Variants in PLCL1 observed in about 807,000 individuals in gnomAD.
PLCL1 encodes the protein inactive phospholipase C-like protein 1.
Under a neutral mutation model 84.4 loss-of-function variants are expected in PLCL1, and 41 were observed. The ratio of observed to expected loss-of-function variants is 0.49; its 90% CI spans 0.38 to 0.63. PLCL1 has a LOEUF of 0.63. Ranked by LOEUF, PLCL1 falls within the 30% of genes least tolerant of loss-of-function variation. PLCL1 has a pLI of 0.00. For missense variants in PLCL1, 1,206 were observed against 1,367.8 expected (o/e 0.88, Z 1.87); for synonymous variants, 490 against 488.3 (o/e 1.00, Z -0.05).
At chr2:197,835,445 G>T (rs150510111) in intron 1 of PLCL1, among the ~76,000 whole-genome samples, 345 of 152,194 alleles carry the variant, frequency 2.3e-3, no homozygotes, top group African/African-American at 7.9e-3. Context: ...AACTGACCCT[G>T]CCAATTACTC....
chr2:197,808,964 T>C (rs778315188), intron 1 of PLCL1, among the ~76,000 whole-genome samples: 1 of 152,182 alleles, frequency 6.6e-6, no homozygotes, highest in Non-Finnish European at 1.5e-5. Context: ...GAATGAGGTG[T>C]TGAGACCAGC....
chr2:198,108,004 C>A (rs775088329), intron 5 of PLCL1, among the ~76,000 whole-genome samples: 3 of 151,848 alleles, frequency 2.0e-5, no homozygotes, highest in African/African-American at 7.2e-5. Flanking sequence ...AGAGCCTGGG[C>A]TCTGTTGGAG....
intron 1 of PLCL1, among the ~76,000 whole-genome samples, chr2:198,051,422 A>G (rs746011861): frequency 2.6e-5 from 4 of 152,212 alleles, no homozygotes; most frequent in African/African-American, 4.8e-5. Context: ...TCTATGATTT[A>G]TAGATGTCAC....
chr2:198,030,348 G>C (rs980255834), intron 1 of PLCL1, among the ~76,000 whole-genome samples: 2 of 152,030 alleles, frequency 1.3e-5, no homozygotes. Flanking sequence ...TTGAGCAGGG[G>C]GTGGGTAACA....
intron 1 of PLCL1, among the ~76,000 whole-genome samples, chr2:197,958,310 T>C (rs1316649614): frequency 1.3e-5 from 2 of 151,926 alleles, no homozygotes; most frequent in Admixed American, 6.6e-5. Context: ...AGAAGAAGAA[T>C]TGTCTTGGAC....
chr2:197,962,269 T>G (rs530211419), intron 1 of PLCL1, among the ~76,000 whole-genome samples: 1 of 152,142 alleles, frequency 6.6e-6, no homozygotes, highest in East Asian at 1.9e-4. Context: ...CACTTGCAGT[T>G]TGGGACATTT....
Position 198,085,084 on chromosome 2 carries a change from T to G in PLCL1, c.1567T>G (p.Ser523Ala). 6.2e-7 allele frequency: 1 copy of G among 1,614,070 alleles called. No individual in the cohort carries two copies. The highest frequency in any genetic ancestry group is 8.5e-7 in the Non-Finnish European group (1 of 1,179,970). Residue 523 changes from serine (S) to alanine (A), a missense_variant, in exon 2 of 6, where the codon TCA becomes GCA. By Grantham distance (99) the Ser-to-Ala change is moderately conservative. Transcript: ENST00000428675. This position sits in a 1 kb window ranked among gnomAD's most constrained non-coding sequence, Gnocchi z 5.3. ...ACTCTATACTGAAGCACCTTTGCCC[T>G]CAGAATCCTACCTCCCATCACCAGA... ...NKLYTEAPLPSESYLPSPEKL... is the reference protein window; with the variant it reads ...NKLYTEAPLPAESYLPSPEKL...
chr2:198,030,751 C>T (rs1165402910), intron 1 of PLCL1, among the ~76,000 whole-genome samples: 1 of 152,116 alleles, frequency 6.6e-6, no homozygotes, highest in Admixed American at 6.6e-5. Flanking sequence ...GGAGCAATCT[C>T]ACCAAGTTTA....
At chr2:198,064,219 A>G (rs1436782957) in intron 1 of PLCL1, among the ~76,000 whole-genome samples, 1 of 152,078 alleles carries the variant, frequency 6.6e-6, no homozygotes, top group Middle Eastern at 3.2e-3. Flanking sequence ...ACTAAAACAT[A>G]AGTCCCTAGT....
intron 1 of PLCL1, among the ~76,000 whole-genome samples, chr2:197,928,583 G>C (rs1337976723): frequency 6.6e-6 from 1 of 152,056 alleles, no homozygotes; most frequent in African/African-American, 2.4e-5. Context: ...GCACTGTTAG[G>C]GGACTCTCTT....
At chr2:198,019,229 G>T (rs970172797) in intron 1 of PLCL1, among the ~76,000 whole-genome samples, 1 of 152,140 alleles carries the variant, frequency 6.6e-6, no homozygotes, top group Non-Finnish European at 1.5e-5. Flanking sequence ...TCATCCTAAG[G>T]TCACCAACAG....
At chr2:198,144,945 C>T (rs919240052) in intron 5 of PLCL1, among the ~76,000 whole-genome samples, 1 of 152,148 alleles carries the variant, frequency 6.6e-6, no homozygotes, top group African/African-American at 2.4e-5. Context: ...CCAGCTCTAC[C>T]ACTTAGCAGC....
intron 1 of PLCL1, among the ~76,000 whole-genome samples, chr2:197,812,633 G>C (rs1440639215): frequency 6.6e-6 from 1 of 152,152 alleles, no homozygotes; most frequent in Non-Finnish European, 1.5e-5. Context: ...ACTAAACACA[G>C]ACTAAGCCCA....
In PLCL1 at chr2:197,911,641, C is replaced by T. The variant is rs181154401; in HGVS notation, c.240+106302C>T. The stretch of plus-strand genomic sequence containing the variant: ...TGCTAATACTGTTAATTATTCCCCT[C>T]TTTTCCTTCTCTTGTTTCTTTAGCT... On this transcript the variant is annotated intron_variant, in intron 1 of 5. Transcript: ENST00000428675. Among the ~76,000 whole-genome samples, 628 of 152,322 alleles carry T rather than the reference C, an allele frequency of 4.1e-3. 3 individuals are homozygous for T. The highest frequency in any genetic ancestry group is 0.015 in the African/African-American group (604 of 41,572).
chr2:197,994,688 A>G (rs1009517796), intron 1 of PLCL1, among the ~76,000 whole-genome samples: 7 of 152,232 alleles, frequency 4.6e-5, no homozygotes, highest in Admixed American at 3.9e-4. Flanking sequence ...TAAAGTTCAC[A>G]CTAGAAACAT....
At chr2:198,116,183 A>G (rs1035283787) in intron 5 of PLCL1, among the ~76,000 whole-genome samples, 3 of 151,630 alleles carry the variant, frequency 2.0e-5, no homozygotes, top group African/African-American at 7.3e-5. Flanking sequence ...GCAGCAAAAA[A>G]GTTACCCTGG....
chr2:198,108,922 T>A (rs1400871823), intron 5 of PLCL1, among the ~76,000 whole-genome samples: 1 of 151,910 alleles, frequency 6.6e-6, no homozygotes, highest in Non-Finnish European at 1.5e-5. Context: ...ATTGGTCTCC[T>A]TACATAGCCA....
rs1468057975 is a variant in PLCL1 at position 198,096,024 on chromosome 2, T to C, written c.2920-5261T>C. ...TGATATGCCATTTTGTATATGTCTTTAGGCTTTTAATTATTCAACTAAACA... is the reference window on the plus strand; with the variant it reads ...TGATATGCCATTTTGTATATGTCTTCAGGCTTTTAATTATTCAACTAAACA... On this transcript the variant is annotated intron_variant, in intron 3 of 5. Coordinates refer to ENST00000428675, the MANE Select transcript of PLCL1 (RefSeq NM_006226.4). Among the ~76,000 whole-genome samples, 3 of 152,248 alleles carry C rather than the reference T, an allele frequency of 2.0e-5. No individual in the cohort carries two copies. In the East Asian group the frequency reaches 5.8e-4, roughly 29 times the overall value.
chr2:197,917,839 A>G (rs1282716877), intron 1 of PLCL1, among the ~76,000 whole-genome samples: 2 of 152,172 alleles, frequency 1.3e-5, no homozygotes, highest in Non-Finnish European at 1.5e-5. Context: ...AATCCACAAG[A>G]ATGGGTTATA....
Sources: gnomAD v4.1 joint callset for allele counts (sites outside exome capture counted in the v4.1 genomes callset) on GRCh38, gnomAD v4.1.1 for gene constraint, Gnocchi (gnomAD v3.1) non-coding constraint, MANE v1.5 for transcripts, NCBI Gene and HGNC (gene_info 2026-07-23, HGNC 2026-07-21) for gene names.